Variants in FNIP2 observed in about 807,000 individuals in gnomAD.
The protein encoded by FNIP2 is folliculin-interacting protein 2.
Under a neutral mutation model 108.7 loss-of-function variants are expected in FNIP2, and 32 were observed. That is an observed-to-expected ratio of 0.29 (90% CI 0.22 to 0.40). FNIP2 has a LOEUF of 0.40. Among genes scored for constraint, FNIP2 ranks in the 10% least tolerant of loss-of-function variants. FNIP2 has a pLI of 1.00. For synonymous variants in FNIP2, 480 were observed against 496.7 expected (o/e 0.97, Z 0.45); for missense variants, 1,202 against 1,381.6 (o/e 0.87, Z 2.06).
chr4:158,848,837 G>A (rs950236073), intron 7 of FNIP2, among the ~76,000 whole-genome samples: 1 of 152,176 alleles, frequency 6.6e-6, no homozygotes, highest in African/African-American at 2.4e-5. Flanking sequence ...TCATACTGAA[G>A]AATGCATCAA....
intron 1 of FNIP2, among the ~76,000 whole-genome samples, chr4:158,777,573 C>A (rs1775900853): frequency 6.6e-6 from 1 of 152,186 alleles, no homozygotes; most frequent in Admixed American, 6.5e-5. Flanking sequence ...GCATATCAGG[C>A]AATGACTGTT....
At chr4:158,874,622 C>G (rs952023931) in intron 14 of FNIP2, among the ~76,000 whole-genome samples, 2 of 151,998 alleles carry the variant, frequency 1.3e-5, no homozygotes, top group African/African-American at 2.4e-5. Flanking sequence ...CCACTGCACT[C>G]CAGCCTGGGT....
chr4:158,863,266 G>T (rs541995201), intron 12 of FNIP2, among the ~76,000 whole-genome samples: 2 of 152,322 alleles, frequency 1.3e-5, no homozygotes, highest in South Asian at 4.1e-4. Flanking sequence ...AATTTGACAG[G>T]TAGAAGCACT....
intron 1 of FNIP2, among the ~76,000 whole-genome samples, chr4:158,775,604 C>T (rs1775835666): frequency 6.6e-6 from 1 of 152,078 alleles, no homozygotes; most frequent in African/African-American, 2.4e-5. Flanking sequence ...TGGGCTGGCA[C>T]CCCACTTGTG....
intron 1 of FNIP2, among the ~76,000 whole-genome samples, chr4:158,789,703 A>C (rs959048663): frequency 1.3e-5 from 2 of 152,224 alleles, no homozygotes; most frequent in Non-Finnish European, 2.9e-5. Flanking sequence ...TATAACGTGC[A>C]ACAGGAGCTA....
intron 14 of FNIP2, chr4:158,872,742 T>G (rs577465803): frequency 8.2e-6 from 8 of 980,956 alleles, no homozygotes; most frequent in Middle Eastern, 5.2e-4. Flanking sequence ...GTGTTTTTTT[T>G]TTTTTTTTTA....
chr4:158,854,717 A>G (rs1216729097), intron 8 of FNIP2, among the ~76,000 whole-genome samples: 1 of 152,252 alleles, frequency 6.6e-6, no homozygotes, highest in Non-Finnish European at 1.5e-5. Context: ...ACTGCCATGT[A>G]GAAATGTGAT....
intron 1 of FNIP2, among the ~76,000 whole-genome samples, chr4:158,786,799 A>G (rs1432100277): frequency 6.6e-6 from 1 of 152,134 alleles, no homozygotes; most frequent in Non-Finnish European, 1.5e-5. Context: ...AGGCATTGCA[A>G]TTTTTATGTA....
chr4:158,773,300 A>G (rs1006323845), intron 1 of FNIP2, among the ~76,000 whole-genome samples: 1 of 152,140 alleles, frequency 6.6e-6, no homozygotes, highest in Non-Finnish European at 1.5e-5. Context: ...GATACTATGC[A>G]CTGGTTAGTG....
At chr4:158,875,543 C>CATATATATATATATATATATATATATAT in intron 14 of FNIP2, among the ~76,000 whole-genome samples, 1 of 33,340 alleles carries the variant, frequency 3.0e-5, no homozygotes, top group African/African-American at 2.0e-4. Context: ...TATATATATG[C>CATATATATATATATATATATATATATAT]TCATGAATAC....
At chr4:158,804,011 T>C (rs868177598) in intron 1 of FNIP2, among the ~76,000 whole-genome samples, 5 of 152,346 alleles carry the variant, frequency 3.3e-5, no homozygotes, top group Admixed American at 6.5e-5. Flanking sequence ...CGATCTCAGC[T>C]CACTGCAACC....
intron 7 of FNIP2, among the ~76,000 whole-genome samples, chr4:158,837,926 A>T (rs1778900407): frequency 6.6e-6 from 1 of 152,206 alleles, no homozygotes; most frequent in Non-Finnish European, 1.5e-5. Flanking sequence ...ATCCTGGTAG[A>T]TGTGTTTACC....
chr4:158,899,555 G>T (rs1270492542), intron 16 of FNIP2, among the ~76,000 whole-genome samples: 1 of 152,116 alleles, frequency 6.6e-6, no homozygotes, highest in African/African-American at 2.4e-5. Context: ...TCAGGGATTT[G>T]ACTTCTTCCT....
intron 7 of FNIP2, among the ~76,000 whole-genome samples, chr4:158,849,531 A>G (rs532765276): frequency 1.3e-5 from 2 of 152,322 alleles, no homozygotes; most frequent in Non-Finnish European, 2.9e-5. Context: ...GGAGAGAGGC[A>G]GGACCCTAGA....
chr4:158,881,819 C>T (rs970079165), intron 14 of FNIP2, among the ~76,000 whole-genome samples: 3 of 152,022 alleles, frequency 2.0e-5, no homozygotes, highest in African/African-American at 4.8e-5. Flanking sequence ...ACCTCCCAGC[C>T]GCCTGCCTTG....
rs373687039 is a variant in FNIP2, at chr4:158,893,800, A to G, written c.3151-1950A>G. On this transcript the variant is annotated intron_variant, in intron 15 of 16. Coordinates refer to ENST00000264433, the MANE Select transcript of FNIP2 (RefSeq NM_020840.3). Reference sequence around the variant, plus strand: ...ACTTTTATATTTCATTCTATAATACATACGTCTTGTCACAGTTGATATCTT... The same window carrying G: ...ACTTTTATATTTCATTCTATAATACGTACGTCTTGTCACAGTTGATATCTT... 1.3e-4 allele frequency: 114 copies of G among 896,734 alleles called. No individual in the cohort carries two copies. In the African/African-American group the frequency reaches 1.7e-3, roughly 14 times the overall value. 55.5% of individuals were successfully genotyped at this position (896,734 alleles called of 1,614,324 possible). A position where few individuals can be genotyped will look rare whatever the true frequency, so the allele number is the denominator to read the frequency against.
intron 1 of FNIP2, among the ~76,000 whole-genome samples, chr4:158,779,465 A>G (rs1012242788): frequency 6.6e-6 from 1 of 152,196 alleles, no homozygotes; most frequent in Admixed American, 6.5e-5. Context: ...TTAGTAAAAT[A>G]TGCAAATGTA....
At chr4:158,769,944 A>G (rs1193562043) in intron 1 of FNIP2, among the ~76,000 whole-genome samples, 1 of 152,244 alleles carries the variant, frequency 6.6e-6, no homozygotes, top group Non-Finnish European at 1.5e-5. Context: ...TGTATATTTA[A>G]TAGATTTGAT....
intron 7 of FNIP2, chr4:158,835,690 T>A: frequency 5.7e-6 from 2 of 351,682 alleles, no homozygotes; most frequent in Non-Finnish European, 1.1e-5. Flanking sequence ...ACACTCAAAT[T>A]TATATGAGAC....
Sources: allele counts gnomAD v4.1 joint callset (sites outside exome capture counted in the v4.1 genomes callset), GRCh38; gene constraint gnomAD v4.1.1; transcripts MANE v1.5; gene names NCBI Gene and HGNC (gene_info 2026-07-23, HGNC 2026-07-21).